Variants in ZPBP2 observed in about 807,000 individuals in gnomAD.
The protein encoded by ZPBP2 is zona pellucida-binding protein 2.
In ZPBP2, 34 loss-of-function variants were observed where a neutral mutation model predicts 37.5. The ratio of observed to expected loss-of-function variants is 0.91; its 90% confidence interval spans 0.69 to 1.21. The LOEUF (loss-of-function observed/expected upper bound fraction) is 1.21. Ranked by LOEUF, ZPBP2 falls within the 50% of genes most tolerant of loss-of-function variation. The probability of loss-of-function intolerance (pLI) is 0.00; values close to 1 mark genes in which losing one functional copy is unlikely to be tolerated. For missense variants in ZPBP2, 397 were observed against 413.5 expected, an observed-to-expected ratio of 0.96 and a Z score of 0.35; for synonymous variants, 143 against 138.4, an observed-to-expected ratio of 1.03 and a Z score of -0.23.
chr17:39,876,695 T>C lies in ZPBP2; in HGVS notation c.903T>C (p.Pro301=), dbSNP rs199842535. ...NCASCCVVCS[P]ATFSPDVNVT... ...TTTCCTCTGCAGTGGTTTGTAGTCCTGCGACTTTTAGTCCTGATGTTAATG... is the reference window on the plus strand; with the variant it reads ...TTTCCTCTGCAGTGGTTTGTAGTCCCGCGACTTTTAGTCCTGATGTTAATG... Residue 301 remains proline (P), a synonymous_variant, in exon 8 of 8, where the codon CCT becomes CCC. Transcript: ENST00000348931. The C allele has an allele frequency of 6.8e-6, 11 of 1,613,854 alleles. No homozygotes were observed. The East Asian group carries it at 2.2e-4, about 33-fold the overall frequency.
chr17:39,875,223 T>C, intron 6 of ZPBP2, 31 bp from the exon 7 acceptor site: 1 of 1,594,154 alleles, frequency 6.3e-7, no homozygotes, highest in African/African-American at 1.3e-5. Context: ...GTTTAGTAAT[T>C]GTACCTTTCT....
chr17:39,870,058 C>CT (rs1213096837), intron 2 of ZPBP2, among the ~76,000 whole-genome samples: 1 of 151,652 alleles, frequency 6.6e-6, no homozygotes, highest in Non-Finnish European at 1.5e-5. Flanking sequence ...TCTGAACTTT[C>CT]TTTGAGAGGG....
At chr17:39,874,851 A>G (rs561705033) in intron 6 of ZPBP2, among the ~76,000 whole-genome samples, 1 of 152,230 alleles carries the variant, frequency 6.6e-6, no homozygotes, top group Non-Finnish European at 1.5e-5. Context: ...CCGAGGTTCA[A>G]GCAATTCTCC....
chr17:39,870,987 T>A (rs930074551), intron 3 of ZPBP2, among the ~76,000 whole-genome samples, 168 bp downstream of exon 3: 1 of 152,158 alleles, frequency 6.6e-6, no homozygotes, highest in Non-Finnish European at 1.5e-5. Flanking sequence ...ATTTTCTCCT[T>A]ATGCAAAAAC....
chr17:39,876,569 T>C, intron 7 of ZPBP2, 113 bp from the exon 8 acceptor site: 1 of 1,200,812 alleles, frequency 8.3e-7, no homozygotes, highest in East Asian at 2.4e-5. Context: ...ATATAGGTAC[T>C]GAAATGGTAT....
chr17:39,872,554 C>A (rs893934211), intron 5 of ZPBP2, 66 bp downstream of exon 5: 3 of 1,027,420 alleles, frequency 2.9e-6, no homozygotes, highest in South Asian at 1.8e-5. Context: ...ACAAAATTAC[C>A]ATATTAATAT....
At position 39,876,756 on chromosome 17, in the gene ZPBP2, G is replaced by A. The variant is rs1218842041; in HGVS notation, c.964G>A (p.Gly322Arg). The part of the protein sequence containing the change: ...CQTCVSVLTY[G>R]AKSCPQTSNK... ...GACCTGCGTTTCCGTCCTTACCTATGGAGCTAAATCTTGCCCACAAACTTC... is the reference window on the plus strand; with the variant it reads ...GACCTGCGTTTCCGTCCTTACCTATAGAGCTAAATCTTGCCCACAAACTTC... Residue 322 changes from glycine (G) to arginine (R), a missense_variant, in exon 8 of 8, where the codon GGA (glycine) becomes AGA (arginine). Transcript: ENST00000348931. 2 of 1,613,874 alleles carry A rather than the reference G, an allele frequency of 1.2e-6. No homozygotes were observed. The highest frequency in any genetic ancestry group is 1.7e-6 in the Non-Finnish European group (2 of 1,179,904).
chr17:39,872,464 C>G lies in ZPBP2; in HGVS notation c.601C>G (p.His201Asp), dbSNP rs772544617. Residue 201 changes from histidine to aspartate, a missense_variant, in exon 5 of 8, where the codon CAT (histidine) becomes GAT (aspartate). By Grantham distance (81) the His-to-Asp change is moderately conservative (BLOSUM62 -1). Transcript: ENST00000348931. Reference protein sequence around the residue: ...SVEIPEHGLIHELFIAFQVNP... With the variant: ...SVEIPEHGLIDELFIAFQVNP... ...TGAAATTCCAGAACATGGCCTCATACATGAGCTATTTATAGCATTTCAAGG... is the reference window on the plus strand; with the variant it reads ...TGAAATTCCAGAACATGGCCTCATAGATGAGCTATTTATAGCATTTCAAGG... The G allele has an allele frequency of 3.1e-6, 5 of 1,610,970 alleles. No homozygotes were observed. The highest frequency in any genetic ancestry group is 4.2e-6 in the Non-Finnish European group (5 of 1,178,820).
At chr17:39,876,619 T>A (rs2063391761) in intron 7 of ZPBP2, 63 bp from the exon 8 acceptor site, 1 of 1,584,808 alleles carries the variant, frequency 6.3e-7, no homozygotes, top group Non-Finnish European at 8.6e-7. Context: ...ATAGAATACC[T>A]CCAAGTAGTA....
intron 6 of ZPBP2, among the ~76,000 whole-genome samples, chr17:39,874,102 C>A (rs2063378534): frequency 6.6e-6 from 1 of 150,638 alleles, no homozygotes; most frequent in Non-Finnish European, 1.5e-5. Flanking sequence ...TCTCCTGCCT[C>A]AGCCTCCCAA....
chr17:39,875,306 A>T lies in ZPBP2; in HGVS notation c.761A>T (p.His254Leu). ...CGGAGCCAAGCATATATTTTCTACC[A>T]TAACTTTAATAAAACTCTACCAGCA... Reference protein sequence around the residue: ...FFRSQAYIFYHNFNKTLPAMH... With the variant: ...FFRSQAYIFYLNFNKTLPAMH... The change falls in exon 7 of 8, where the codon CAT becomes CTT. Residue 254 changes from histidine to leucine, a missense_variant. Transcript: ENST00000348931. 6.2e-7 allele frequency: 1 copy of T among 1,613,994 alleles called. No individual in the cohort carries two copies. The highest frequency in any genetic ancestry group is 8.5e-7 in the Non-Finnish European group (1 of 1,179,964).
rs1406587971 is a variant in ZPBP2 at position 39,872,489 on chromosome 17, G to T, written c.625+1G>T. The T allele has an allele frequency of 1.3e-6, 2 of 1,567,250 alleles. No homozygotes were observed. Among genetic ancestry groups the T allele is most frequent in the Non-Finnish European group, 1.7e-6 (2 of 1,161,886 alleles). On this transcript the variant is annotated splice_donor_variant, in intron 5 of 7. Coordinates refer to ENST00000348931, the MANE Select transcript of ZPBP2 (RefSeq NM_199321.3). LOFTEE classifies it high-confidence loss of function. ...CATGAGCTATTTATAGCATTTCAAG[G>T]TAAAATTTTTAAAATTTCTTTAATT...
intron 6 of ZPBP2, 107 bp from the exon 7 acceptor site, chr17:39,875,147 A>G: frequency 9.9e-7 from 1 of 1,009,768 alleles, no homozygotes; most frequent in Non-Finnish European, 1.5e-6. Flanking sequence ...GAATTTATCT[A>G]CGTTAAGTAT....
intron 2 of ZPBP2, 28 bp downstream of exon 2, chr17:39,868,642 C>G (rs769697031): frequency 1.2e-6 from 2 of 1,613,632 alleles, no homozygotes; most frequent in Admixed American, 1.7e-5. Context: ...ACACGCGGGC[C>G]CATTGGAGGG....
chr17:39,871,281 A>C (rs974252253), intron 3 of ZPBP2, among the ~76,000 whole-genome samples, 183 bp from the exon 4 acceptor site: 22 of 152,200 alleles, frequency 1.4e-4, no homozygotes, highest in Admixed American at 1.3e-4. Flanking sequence ...ATATATTTCA[A>C]AAGTGTACTT....
At chr17:39,875,883 C>CCAT (rs1555647948) in intron 7 of ZPBP2, among the ~76,000 whole-genome samples, 1 of 63,770 alleles carries the variant, frequency 1.6e-5, no homozygotes, top group Admixed American at 1.9e-4. Flanking sequence ...TGCTTGGCCC[C>CCAT]TTTTTTTTTT....
chr17:39,875,605 T>G (rs553290676), intron 7 of ZPBP2, among the ~76,000 whole-genome samples, 171 bp downstream of exon 7: 31 of 151,654 alleles, frequency 2.0e-4, no homozygotes, highest in Admixed American at 8.6e-4. Context: ...TTTTTTTTTT[T>G]TTGTTTTTTT....
At chr17:39,874,036 G>A (rs2063378229) in intron 6 of ZPBP2, among the ~76,000 whole-genome samples, 1 of 143,114 alleles carries the variant, frequency 7.0e-6, no homozygotes, top group Non-Finnish European at 1.5e-5. Flanking sequence ...CCAGGCTGGA[G>A]TGCAGTGGTG....
chr17:39,875,304 C>A lies in ZPBP2; in HGVS notation c.759C>A (p.Tyr253Ter), dbSNP rs755064035. ...DFFRSQAYIF[Y>*]HNFNKTLPAM... Reference sequence around the variant, plus strand: ...TTCGGAGCCAAGCATATATTTTCTACCATAACTTTAATAAAACTCTACCAG... The same window carrying A: ...TTCGGAGCCAAGCATATATTTTCTAACATAACTTTAATAAAACTCTACCAG... The change falls in exon 7 of 8, where the codon TAC becomes TAA. Residue 253 changes from tyrosine to a stop codon, truncating the protein, a stop_gained. Coordinates refer to ENST00000348931, the MANE Select transcript of ZPBP2 (RefSeq NM_199321.3). LOFTEE classifies it high-confidence loss of function. 2.5e-6 allele frequency: 4 copies of A among 1,613,912 alleles called. No homozygotes were observed. The East Asian group carries it at 6.7e-5, about 27-fold the overall frequency.
Sources: allele counts gnomAD v4.1 joint callset (sites outside exome capture counted in the v4.1 genomes callset), GRCh38; gene constraint gnomAD v4.1.1; transcripts MANE v1.5; gene names NCBI Gene and HGNC (gene_info 2026-07-23, HGNC 2026-07-21).